The following PSMA6 variants were observed in gnomAD, a reference collection of about 807,000 sequenced individuals.
PSMA6 encodes proteasome subunit alpha type-6.
For missense variants in PSMA6, 170 were observed against 294.8 expected, an observed-to-expected ratio of 0.58 and a Z score of 3.10; for synonymous variants, 88 against 97.7, an observed-to-expected ratio of 0.90 and a Z score of 0.59.
intron 1 of PSMA6, among the ~76,000 whole-genome samples, chr14:35,302,723 T>A (rs1450262439): frequency 6.6e-6 from 1 of 152,154 alleles, no homozygotes; most frequent in African/African-American, 2.4e-5. Context: ...TTCTGCCTTT[T>A]TAAGATTGGA....
intron 1 of PSMA6, among the ~76,000 whole-genome samples, chr14:35,282,717 C>T (rs563483813): frequency 7.7e-4 from 117 of 152,012 alleles, no homozygotes; most frequent in African/African-American, 2.4e-3. Context: ...TAGCTGGGCA[C>T]GGTGGCATGT....
intron 1 of PSMA6, among the ~76,000 whole-genome samples, chr14:35,283,870 C>G (rs922937838): frequency 1.3e-5 from 2 of 152,154 alleles, no homozygotes; most frequent in Admixed American, 1.3e-4. Context: ...CCATGTCCAG[C>G]CTTTACAAAT....
chr14:35,312,506 CAAA>C (rs200184285), intron 4 of PSMA6, among the ~76,000 whole-genome samples: 15 of 100,242 alleles, frequency 1.5e-4, no homozygotes, highest in African/African-American at 4.2e-4. Flanking sequence ...GAGTCTGTCT[CAAA>C]AAAAAAAAAA....
chr14:35,287,921 G>A, upstream of PSMA6, among the ~76,000 whole-genome samples: 1 of 65,540 alleles, frequency 1.5e-5, no homozygotes, highest in East Asian at 5.0e-4. Flanking sequence ...GCTTCCAGGG[G>A]ATTTCCCTTT....
chr14:35,295,424 AGGGAGTGGAGAGAAAGAC>A, intron 1 of PSMA6, among the ~76,000 whole-genome samples: 1 of 150,926 alleles, frequency 6.6e-6, no homozygotes, highest in Non-Finnish European at 1.5e-5. Context: ...GTTTGCTCCC[AGGGAGTGGAGAGAAAGAC>A]TTTTTCTTTT....
rs1462012645 is a variant in PSMA6 at position 35,292,416 on chromosome 14, T to G, written c.-61T>G. The G allele has an allele frequency of 6.3e-7, 1 of 1,575,198 alleles. No homozygotes were observed. Among genetic ancestry groups the G allele is most frequent in the East Asian group, 2.3e-5 (1 of 43,418 alleles). On this transcript the variant is annotated 5_prime_UTR_variant, in exon 1 of 7. Coordinates refer to ENST00000261479, the MANE Select transcript of PSMA6 (RefSeq NM_002791.3). Reference sequence around the variant, plus strand: ...CGCTGCAACTTCCGGGAGGTGCTTGTGTGCCTGGTGCGGGAGCTACGGGGC... The same window carrying G: ...CGCTGCAACTTCCGGGAGGTGCTTGGGTGCCTGGTGCGGGAGCTACGGGGC...
chr14:35,298,147 T>G (rs1233409909), intron 1 of PSMA6, among the ~76,000 whole-genome samples: 2 of 152,046 alleles, frequency 1.3e-5, no homozygotes. Flanking sequence ...TTTAGAAAAT[T>G]GGGGGCTTGG....
At chr14:35,280,557 T>C (rs896489376) in intron 1 of PSMA6, among the ~76,000 whole-genome samples, 14 of 147,366 alleles carry the variant, frequency 9.5e-5, no homozygotes, top group African/African-American at 3.5e-4. Context: ...AATTTTTGTA[T>C]GTTTAGTAGA....
intron 1 of PSMA6, among the ~76,000 whole-genome samples, chr14:35,283,768 A>C (rs1435615858): frequency 6.6e-6 from 1 of 151,968 alleles, no homozygotes; most frequent in Admixed American, 6.6e-5. Flanking sequence ...GGGTTTTGCC[A>C]TGTTGCCCAA....
At chr14:35,303,588 G>A (rs1047604005) in intron 1 of PSMA6, among the ~76,000 whole-genome samples, 7 of 152,190 alleles carry the variant, frequency 4.6e-5, no homozygotes, top group African/African-American at 1.7e-4. Context: ...TCTTTAGGTA[G>A]TTGTTGTTTT....
At chr14:35,312,321 C>G (rs549435638) in intron 4 of PSMA6, among the ~76,000 whole-genome samples, 1 of 150,958 alleles carries the variant, frequency 6.6e-6, no homozygotes, top group Non-Finnish European at 1.5e-5. Context: ...TCCTGGCTAA[C>G]ACGGCGAAAC....
chr14:35,282,457 C>T (rs1326868079), intron 1 of PSMA6, among the ~76,000 whole-genome samples: 1 of 151,920 alleles, frequency 6.6e-6, no homozygotes, highest in Non-Finnish European at 1.5e-5. Flanking sequence ...GACAGGGTCT[C>T]ACTATGTTTC....
chr14:35,309,420 T>C (rs2051894864), intron 3 of PSMA6, among the ~76,000 whole-genome samples: 2 of 151,314 alleles, frequency 1.3e-5, no homozygotes, highest in African/African-American at 4.9e-5. Context: ...GAGGCCAAGG[T>C]GAGAGGATTG....
intron 1 of PSMA6, among the ~76,000 whole-genome samples, chr14:35,283,795 T>C (rs1189585279): frequency 6.6e-6 from 1 of 152,086 alleles, no homozygotes; most frequent in South Asian, 2.1e-4. Flanking sequence ...CTCAAACTCC[T>C]GGGCTCAAGC....
At chr14:35,288,386 T>C (rs1360808216), upstream of PSMA6, among the ~76,000 whole-genome samples, 1 of 152,132 alleles carries the variant, frequency 6.6e-6, no homozygotes, top group Non-Finnish European at 1.5e-5. Flanking sequence ...TAATTCCAGC[T>C]CCTTGGGAGG....
At chr14:35,286,305 T>G (rs1373714618) in intron 1 of PSMA6, among the ~76,000 whole-genome samples, 2 of 152,174 alleles carry the variant, frequency 1.3e-5, no homozygotes, top group Non-Finnish European at 2.9e-5. Flanking sequence ...ACTGGAACAT[T>G]TGCTGTTCTC....
chr14:35,291,288 G>A (rs899388901), upstream of PSMA6, among the ~76,000 whole-genome samples: 1 of 151,646 alleles, frequency 6.6e-6, no homozygotes, highest in Non-Finnish European at 1.5e-5. Context: ...CATGATCTCG[G>A]CTCACTGCAA....
chr14:35,291,427 A>G (rs923892841), upstream of PSMA6, among the ~76,000 whole-genome samples: 9 of 152,010 alleles, frequency 5.9e-5, no homozygotes, highest in Non-Finnish European at 8.8e-5. Context: ...TCACCGTGTT[A>G]GCCAGGATGG....
intron 3 of PSMA6, chr14:35,310,133 T>G (rs930537079): frequency 2.5e-6 from 1 of 405,146 alleles, no homozygotes; most frequent in Non-Finnish European, 4.8e-6. Flanking sequence ...AAAAAAAAAA[T>G]GAAAAACTAA....
Sources: gnomAD v4.1 joint callset for allele counts (sites outside exome capture counted in the v4.1 genomes callset) on GRCh38, gnomAD v4.1.1 for gene constraint, MANE v1.5 for transcripts, NCBI Gene and HGNC (gene_info 2026-07-23, HGNC 2026-07-21) for gene names.